Variants in PRKAG2 observed in about 807,000 individuals in gnomAD.
The protein encoded by PRKAG2 is protein kinase AMP-activated non-catalytic subunit gamma 2.
PRKAG2 carries 26 observed loss-of-function variants against 69.6 expected under a neutral mutation model. That is an observed-to-expected ratio of 0.37 (90% CI 0.27 to 0.52). PRKAG2 has a LOEUF of 0.52. Among genes scored for constraint, PRKAG2 ranks in the 20% least tolerant of loss-of-function variants. The pLI is 0.90. For missense variants in PRKAG2, 557 were observed against 740.0 expected, an observed-to-expected ratio of 0.75 and a Z score of 2.87; for synonymous variants, 293 against 285.0, an observed-to-expected ratio of 1.03 and a Z score of -0.28.
intron 5 of PRKAG2, among the ~76,000 whole-genome samples, chr7:151,613,246 CA>C (rs2151226911): frequency 6.6e-6 from 1 of 152,292 alleles, no homozygotes; most frequent in South Asian, 2.1e-4. Flanking sequence ...AAGGCATGAA[CA>C]TGTTTTCCAA....
intron 3 of PRKAG2, among the ~76,000 whole-genome samples, chr7:151,763,781 C>T (rs921313504): frequency 1.3e-5 from 2 of 152,240 alleles, no homozygotes; most frequent in East Asian, 1.9e-4. Context: ...CTCCAGATGC[C>T]GTGCCTGGTC....
intron 3 of PRKAG2, among the ~76,000 whole-genome samples, chr7:151,738,997 C>T (rs2073675164): frequency 6.6e-6 from 1 of 151,848 alleles, no homozygotes; most frequent in South Asian, 2.1e-4. Context: ...AAGCTCAGCT[C>T]CCACCCCAGA....
chr7:151,664,508 A>C (rs1453396910), intron 4 of PRKAG2, among the ~76,000 whole-genome samples: 1 of 152,092 alleles, frequency 6.6e-6, no homozygotes, highest in African/African-American at 2.4e-5. Context: ...CTTCTTGATA[A>C]AGCTGTCCAC....
intron 3 of PRKAG2, among the ~76,000 whole-genome samples, chr7:151,686,657 C>T (rs1480617883): frequency 1.3e-5 from 2 of 152,206 alleles, no homozygotes; most frequent in Non-Finnish European, 2.9e-5. Context: ...GTCCTCCCCA[C>T]CCCACTCCAG....
At chr7:151,656,135 ATAT>A (rs1829378761) in intron 4 of PRKAG2, among the ~76,000 whole-genome samples, 4 of 152,240 alleles carry the variant, frequency 2.6e-5, no homozygotes, top group Admixed American at 6.5e-5. Context: ...TTATAAGTAC[ATAT>A]TCATTTATCA....
intron 3 of PRKAG2, among the ~76,000 whole-genome samples, chr7:151,698,902 C>T (rs1361147819): frequency 1.3e-5 from 2 of 152,198 alleles, no homozygotes; most frequent in Non-Finnish European, 2.9e-5. Context: ...AAGGACTTGG[C>T]TCTTTGGACC....
rs1262036068 is a variant in PRKAG2 at position 151,793,392 on chromosome 7, C to T, written c.115-6851G>A. The stretch of plus-strand genomic sequence containing the variant: ...TCTTAACCTGTGTCTTGATACGCTT[C>T]TTAGGTTCTAACCCTTAAGGTTTCT... On this transcript the variant is annotated intron_variant, in intron 1 of 15. Coordinates refer to ENST00000287878, the MANE Select transcript of PRKAG2 (RefSeq NM_016203.4). 3.3e-5 allele frequency among the ~76,000 whole-genome samples: 5 copies of T among 152,198 alleles called. No individual in the cohort carries two copies. In the South Asian group the frequency reaches 8.3e-4, roughly 25 times the overall value.
chr7:151,811,748 C>T (rs1317994107), intron 1 of PRKAG2, among the ~76,000 whole-genome samples: 5 of 152,316 alleles, frequency 3.3e-5, no homozygotes, highest in East Asian at 1.9e-4. Flanking sequence ...GAGCCTTGAA[C>T]GAGCCACTTA....
chr7:151,791,040 G>A (rs954863068), intron 1 of PRKAG2, among the ~76,000 whole-genome samples: 2 of 152,152 alleles, frequency 1.3e-5, no homozygotes, highest in African/African-American at 4.8e-5. Context: ...GCCCAACATC[G>A]TGGCCTGCTG....
chr7:151,590,795 T>C (rs1260176740), intron 6 of PRKAG2, among the ~76,000 whole-genome samples: 1 of 152,226 alleles, frequency 6.6e-6, no homozygotes, highest in Non-Finnish European at 1.5e-5. Context: ...CTAGTAACGT[T>C]AGGACAAAGA....
intron 1 of PRKAG2, among the ~76,000 whole-genome samples, chr7:151,823,833 G>A (rs1281964282): frequency 2.0e-5 from 3 of 152,152 alleles, no homozygotes; most frequent in African/African-American, 7.2e-5. Context: ...GAGAAAATTA[G>A]AACCTCTGGG....
At position 151,632,808 on chromosome 7, in the gene PRKAG2, AT is replaced by A. The variant is rs113654522; in HGVS notation, c.685-671del. The A allele has an allele frequency of 0.13, 19,836 of 150,036 alleles. 1,446 individuals are homozygous for A. Among genetic ancestry groups the A allele is most frequent in the Middle Eastern group, 0.19 (53 of 284 alleles). 9.3% of individuals were successfully genotyped at this position (150,036 alleles called of 1,614,324 possible). ...TTGTAGATGCACTTTGTCGCTATCC[AT>A]TTTTTTTTTTCCAGCATGGAACTCT... On this transcript the variant is annotated intron_variant, in intron 4 of 15. Coordinates refer to ENST00000287878, the MANE Select transcript of PRKAG2 (RefSeq NM_016203.4). The surrounding 1 kb of genome is among the most constrained non-coding windows in gnomAD (Gnocchi z 4.2).
intron 4 of PRKAG2, among the ~76,000 whole-genome samples, chr7:151,671,892 T>C (rs1460605379): frequency 6.6e-6 from 1 of 152,208 alleles, no homozygotes; most frequent in African/African-American, 2.4e-5. Flanking sequence ...CCTTTCAAAA[T>C]GTAAGTGGGG....
intron 3 of PRKAG2, among the ~76,000 whole-genome samples, chr7:151,681,962 G>A (rs543993974): frequency 4.6e-5 from 7 of 152,182 alleles, no homozygotes; most frequent in East Asian, 1.9e-4. Context: ...GCACAGAGAC[G>A]GAGTGAGCTT....
chr7:151,566,700 C>A, intron 11 of PRKAG2: 1 of 371,218 alleles, frequency 2.7e-6, no homozygotes, highest in Non-Finnish European at 5.3e-6. Context: ...CATGAGACTC[C>A]TAGAAATTTA....
At chr7:151,873,558 T>C (rs557754779) in intron 1 of PRKAG2, among the ~76,000 whole-genome samples, 1 of 152,288 alleles carries the variant, frequency 6.6e-6, no homozygotes, top group South Asian at 2.1e-4. Flanking sequence ...TGGGCAGATC[T>C]TCCCCAGATC....
At chr7:151,806,995 C>A (rs1265180519) in intron 1 of PRKAG2, 1 of 455,954 alleles carries the variant, frequency 2.2e-6, no homozygotes, top group East Asian at 7.0e-5. Context: ...TCACTTGTGT[C>A]CACCTGGGTT....
chr7:151,874,196 A>G (rs935737193), intron 1 of PRKAG2, among the ~76,000 whole-genome samples: 11 of 118,474 alleles, frequency 9.3e-5, no homozygotes, highest in Non-Finnish European at 1.9e-4. Flanking sequence ...GTATATGTAT[A>G]TGATGTATAT....
chr7:151,822,705 AC>A (rs2078816525), intron 1 of PRKAG2, among the ~76,000 whole-genome samples: 6 of 152,192 alleles, frequency 3.9e-5, no homozygotes, highest in African/African-American at 1.4e-4. Flanking sequence ...CCAAGCTCTG[AC>A]AGACACGCTT....
Sources: allele counts gnomAD v4.1 joint callset (sites outside exome capture counted in the v4.1 genomes callset), GRCh38; gene constraint gnomAD v4.1.1; non-coding constraint Gnocchi (gnomAD v3.1); transcripts MANE v1.5; gene names NCBI Gene and HGNC (gene_info 2026-07-23, HGNC 2026-07-21).